Variants in SHISAL1 observed in about 807,000 individuals in gnomAD.
SHISAL1 encodes the protein shisa like 1.
SHISAL1 carries 9 observed loss-of-function variants against 22.6 expected under a neutral mutation model. That is an observed-to-expected ratio of 0.40 (90% CI 0.24 to 0.70). SHISAL1 has a LOEUF of 0.70. Ranked by LOEUF, SHISAL1 falls within the 30% of genes least tolerant of loss-of-function variation. The pLI is 0.39. For synonymous variants in SHISAL1, 119 were observed against 115.4 expected (o/e 1.03, Z -0.20); for missense variants, 246 against 270.6 (o/e 0.91, Z 0.64).
At chr22:44,277,224 C>A (rs1353641380) in intron 4 of SHISAL1, among the ~76,000 whole-genome samples, 1 of 152,172 alleles carries the variant, frequency 6.6e-6, no homozygotes, top group Non-Finnish European at 1.5e-5. Flanking sequence ...GGAGAGGGAT[C>A]CAAGCATTTG....
intron 4 of SHISAL1, among the ~76,000 whole-genome samples, chr22:44,267,585 C>G (rs2055173130): frequency 6.6e-6 from 1 of 152,190 alleles, no homozygotes; most frequent in Non-Finnish European, 1.5e-5. Context: ...TGTCACTCTC[C>G]TCGAGGGCAC....
intron 3 of SHISAL1, among the ~76,000 whole-genome samples, chr22:44,289,937 A>AT (rs566333226): frequency 2.3e-4 from 35 of 152,306 alleles, no homozygotes; most frequent in Non-Finnish European, 4.6e-4. Flanking sequence ...GCAGATCGCA[A>AT]TTTTTTCAGT....
the SHISAL1 span, among the ~76,000 whole-genome samples, chr22:44,327,240 G>GCACACACACACA: frequency 7.6e-5 from 11 of 145,016 alleles, no homozygotes; most frequent in South Asian, 2.2e-4. Flanking sequence ...TGGGGGGCGC[G>GCACACACACACA]CACACACACA....
At chr22:44,301,585 G>A (rs778584363) in intron 1 of SHISAL1, among the ~76,000 whole-genome samples, 1 of 152,134 alleles carries the variant, frequency 6.6e-6, no homozygotes, top group East Asian at 1.9e-4. Flanking sequence ...ACAGGGACTC[G>A]AACAGATACG....
At chr22:44,300,835 C>A in intron 2 of SHISAL1, 44 bp downstream of exon 2, 1 of 1,543,120 alleles carries the variant, frequency 6.5e-7, no homozygotes. Flanking sequence ...AGAGCCCACA[C>A]CCCCACGTGC....
chr22:44,292,621 C>A (rs1235078823), intron 3 of SHISAL1, among the ~76,000 whole-genome samples: 2 of 152,216 alleles, frequency 1.3e-5, no homozygotes, highest in Non-Finnish European at 2.9e-5. Flanking sequence ...CTACCTGGGT[C>A]CCCGTGCACA....
chr22:44,290,992 G>A (rs748109322), intron 3 of SHISAL1, among the ~76,000 whole-genome samples: 1 of 152,166 alleles, frequency 6.6e-6, no homozygotes, highest in Non-Finnish European at 1.5e-5. Context: ...ATACCACTGC[G>A]CCTGGCTGAG....
intron 4 of SHISAL1, among the ~76,000 whole-genome samples, 164 bp from the exon 5 acceptor site, chr22:44,249,849 A>G (rs1296298911): frequency 6.6e-6 from 1 of 152,184 alleles, no homozygotes; most frequent in Admixed American, 6.5e-5. Context: ...AAAGAAAAAA[A>G]ATGTCTGCTA....
At chr22:44,262,388 C>T (rs135425) in intron 4 of SHISAL1, among the ~76,000 whole-genome samples, 39,043 of 151,960 alleles carry the variant, frequency 0.26, 5,212 homozygotes, top group East Asian at 0.41. Context: ...TTGTGGGGAG[C>T]CGACATGGAA....
chr22:44,320,666 CCT>C, the SHISAL1 span, among the ~76,000 whole-genome samples: 12 of 152,362 alleles, frequency 7.9e-5, no homozygotes, highest in Non-Finnish European at 1.8e-4. Flanking sequence ...CCGCCCTCCC[CCT>C]GTGACCCCCT....
the SHISAL1 span, among the ~76,000 whole-genome samples, chr22:44,320,102 A>G: frequency 3.9e-5 from 6 of 152,024 alleles, no homozygotes; most frequent in African/African-American, 1.5e-4. Context: ...AGCACCTACT[A>G]TGTGCCAGCC....
rs1209013904 is a variant in SHISAL1 at position 44,244,341 on chromosome 22, T to G, written c.*5344A>C. 1 of 152,198 alleles carries G rather than the reference T, an allele frequency of 6.6e-6. No homozygotes were observed. Among genetic ancestry groups the G allele is most frequent in the South Asian group, 2.1e-4 (1 of 4,826 alleles). 9.4% of individuals were successfully genotyped at this position (152,198 alleles called of 1,614,324 possible). A position where few individuals can be genotyped will look rare whatever the true frequency, so the allele number is the denominator to read the frequency against. On this transcript the variant is annotated 3_prime_UTR_variant, in exon 5 of 5. Transcript: ENST00000381176. ...CAAACCTAAGGGTCACCGTTCTCAG[T>G]GCAGTCTATGTAAACAGTATCCCTG...
chr22:44,327,474 T>TG, the SHISAL1 span, among the ~76,000 whole-genome samples: 1 of 150,358 alleles, frequency 6.7e-6, no homozygotes, highest in Admixed American at 6.6e-5. Context: ...ATAACTGGGG[T>TG]GGGGGGACAG....
At chr22:44,316,932 T>A (rs1043379291), upstream of SHISAL1, among the ~76,000 whole-genome samples, 4 of 152,192 alleles carry the variant, frequency 2.6e-5, no homozygotes, top group Non-Finnish European at 5.9e-5. Flanking sequence ...CGCGGCTAAT[T>A]GGCAGCAGCT....
In SHISAL1 at chr22:44,248,682, CG is replaced by C. The variant is rs1452068046; in HGVS notation, c.*1002del. ...CTTTCATTCCCATCACTGCCCAGCA[CG>C]GGGCCTGGCACACAGCAGATGCTTA... On this transcript the variant is annotated 3_prime_UTR_variant, in exon 5 of 5. Coordinates refer to ENST00000381176, the MANE Select transcript of SHISAL1 (RefSeq NM_001099294.2). 6.6e-6 allele frequency: 1 copy of C among 152,204 alleles called. No individual in the cohort carries two copies. Among genetic ancestry groups the C allele is most frequent in the Non-Finnish European group, 1.5e-5 (1 of 68,060 alleles). 9.4% of individuals were successfully genotyped at this position (152,204 alleles called of 1,614,324 possible).
rs1005971234 is a variant in SHISAL1, at chr22:44,307,733, C to T, written c.-33+5018G>A. ...GAGATTTGAAGGTTATTTTTAAACA[C>T]CGAACTTGGCGAGGCTGGGGAAGGA... On this transcript the variant is annotated intron_variant, in intron 1 of 4. Transcript: ENST00000381176. 9.8e-5 allele frequency among the ~76,000 whole-genome samples: 15 copies of T among 152,304 alleles called. 1 individual carries two copies. Among genetic ancestry groups the T allele is most frequent in the East Asian group, 1.9e-4 (1 of 5,184 alleles).
chr22:44,270,201 C>A (rs2055196928), intron 4 of SHISAL1, among the ~76,000 whole-genome samples: 1 of 152,196 alleles, frequency 6.6e-6, no homozygotes, highest in African/African-American at 2.4e-5. Flanking sequence ...TGGAACCACT[C>A]TCTCCTATCT....
Position 44,247,890 on chromosome 22 carries a change from A to C in SHISAL1, c.*1795T>G, listed in dbSNP as rs1358158767. The stretch of plus-strand genomic sequence containing the variant: ...CCCAGCCACCTGGCTTTCTTGTGCC[A>C]CCTGGCTTTCTTGTGCTTCCTTGAA... On this transcript the variant is annotated 3_prime_UTR_variant, in exon 5 of 5. Transcript: ENST00000381176. 1 of 151,980 alleles carries C rather than the reference A, an allele frequency of 6.6e-6. No homozygotes were observed. The highest frequency in any genetic ancestry group is 2.4e-5 in the African/African-American group (1 of 41,370). The allele number at this position is 151,980 out of a possible 1,614,324, so 9.4% of individuals were successfully genotyped here. A position where few individuals can be genotyped will look rare whatever the true frequency, so the allele number is the denominator to read the frequency against.
At chr22:44,266,746 A>G (rs2147277330) in intron 4 of SHISAL1, among the ~76,000 whole-genome samples, 1 of 152,166 alleles carries the variant, frequency 6.6e-6, no homozygotes, top group South Asian at 2.1e-4. Flanking sequence ...GGTGGTGCAC[A>G]GGGGAAATGG....
Sources: gnomAD v4.1 joint callset for allele counts (sites outside exome capture counted in the v4.1 genomes callset) on GRCh38, gnomAD v4.1.1 for gene constraint, MANE v1.5 for transcripts, NCBI Gene and HGNC (gene_info 2026-07-23, HGNC 2026-07-21) for gene names.